EPB41L4A: variants seen among roughly 807,000 people sequenced by gnomAD.
EPB41L4A encodes erythrocyte membrane protein band 4.1 like 4A.
Under a neutral mutation model 108.6 loss-of-function variants are expected in EPB41L4A, and 100 were observed. That is an observed-to-expected ratio of 0.92 (90% CI 0.78 to 1.09). The LOEUF is 1.09. EPB41L4A is among the 50% of genes least tolerant of loss of function. The pLI is 0.00. For missense variants in EPB41L4A, 1,030 were observed against 842.7 expected (o/e 1.22, Z -2.75); for synonymous variants, 319 against 289.0 (o/e 1.10, Z -1.05).
At chr5:112,268,147 T>C (rs1375527974) in intron 4 of EPB41L4A, among the ~76,000 whole-genome samples, 2 of 152,198 alleles carry the variant, frequency 1.3e-5, no homozygotes, top group African/African-American at 4.8e-5. Flanking sequence ...TGTGGGAGGC[T>C]GAGGCAGGTG....
At chr5:112,266,089 A>G (rs1751832377) in intron 5 of EPB41L4A, 144 bp downstream of exon 5, 2 of 657,700 alleles carry the variant, frequency 3.0e-6, no homozygotes, top group Non-Finnish European at 5.2e-6. Context: ...AACACTGAAC[A>G]AAACTTGAAT....
intron 12 of EPB41L4A, among the ~76,000 whole-genome samples, chr5:112,231,768 G>T (rs1179706837): frequency 7.6e-6 from 1 of 132,296 alleles, no homozygotes; most frequent in Non-Finnish European, 1.6e-5. Flanking sequence ...GTCCGGCCTG[G>T]GCGACAGAGC....
intron 1 of EPB41L4A, among the ~76,000 whole-genome samples, chr5:112,350,311 TTTAA>T (rs1269879366): frequency 6.6e-5 from 10 of 152,208 alleles, no homozygotes; most frequent in African/African-American, 2.2e-4. Flanking sequence ...AAATCCTGAC[TTTAA>T]TTAGTTGGGC....
intron 22 of EPB41L4A, among the ~76,000 whole-genome samples, chr5:112,168,530 T>A (rs372183607): frequency 6.6e-6 from 1 of 152,220 alleles, no homozygotes; most frequent in African/African-American, 2.4e-5. Context: ...CTACCTGTTA[T>A]TCCTAACTCT....
At chr5:112,221,604 C>T (rs969303987) in intron 12 of EPB41L4A, among the ~76,000 whole-genome samples, 5 of 152,146 alleles carry the variant, frequency 3.3e-5, no homozygotes, top group African/African-American at 7.2e-5. Flanking sequence ...AAATAACTGA[C>T]GGCTGTGTTA....
chr5:112,351,613 A>G (rs1182096671), intron 1 of EPB41L4A, among the ~76,000 whole-genome samples: 2 of 152,222 alleles, frequency 1.3e-5, no homozygotes. Flanking sequence ...AACTCAGTCT[A>G]TGAAGCCAGC....
intron 12 of EPB41L4A, among the ~76,000 whole-genome samples, chr5:112,152,552 C>T (rs987580803): frequency 6.6e-6 from 1 of 152,082 alleles, no homozygotes; most frequent in Non-Finnish European, 1.5e-5. Flanking sequence ...CAAGAAGGTG[C>T]CATCTGTGAG....
chr5:112,264,825 ACTTTT>A, intron 6 of EPB41L4A, 66 bp downstream of exon 6: 1 of 1,470,058 alleles, frequency 6.8e-7, no homozygotes, highest in East Asian at 2.4e-5. Flanking sequence ...CATTCTAGAA[ACTTTT>A]CTTGTGAATA....
chr5:112,178,614 A>T (rs1266692580), intron 18 of EPB41L4A, among the ~76,000 whole-genome samples: 3 of 152,016 alleles, frequency 2.0e-5, no homozygotes, highest in African/African-American at 7.2e-5. Context: ...TTAAATTAGA[A>T]TAATAATAAT....
rs1319268052 is a variant in EPB41L4A at position 112,234,674 on chromosome 5, G to GCTTCGA, written c.1041_1046dup (p.Arg348_Ser349dup). ...GTGCTATTCGCTTAGGGTAAGTCTT[G>GCTTCGA]CTTCGACTTCTTGTCACATTCTGAT... On this transcript the variant is annotated inframe_insertion, in exon 12 of 23. Transcript: ENST00000261486. 1 of 1,613,686 alleles carries GCTTCGA rather than the reference G, an allele frequency of 6.2e-7. No homozygotes were observed. Among genetic ancestry groups the GCTTCGA allele is most frequent in the South Asian group, 1.1e-5 (1 of 91,062 alleles).
At position 112,162,926 on chromosome 5, in the gene EPB41L4A, T is replaced by C. The variant is rs1484647001; in HGVS notation, c.*2064A>G. 10 of 152,246 alleles carry C rather than the reference T, an allele frequency of 6.6e-5. No homozygotes were observed. The highest frequency in any genetic ancestry group is 1.9e-4 in the African/African-American group (8 of 41,460). The allele number at this position is 152,246 out of a possible 1,614,324, so 9.4% of individuals were successfully genotyped here. Reference sequence around the variant, plus strand: ...ACTTTTGAGACAGTTTTGGCTGCTTTCCCTCTTCAGTGCCCTGTTTTAGAA... The same window carrying C: ...ACTTTTGAGACAGTTTTGGCTGCTTCCCCTCTTCAGTGCCCTGTTTTAGAA... On this transcript the variant is annotated 3_prime_UTR_variant, in exon 23 of 23. Coordinates refer to ENST00000261486, the MANE Select transcript of EPB41L4A (RefSeq NM_022140.5).
At chr5:112,372,931 G>A (rs921694390) in intron 1 of EPB41L4A, among the ~76,000 whole-genome samples, 4 of 152,160 alleles carry the variant, frequency 2.6e-5, no homozygotes, top group African/African-American at 9.7e-5. Flanking sequence ...AAAAGTGACA[G>A]GGTTCAGCAG....
intron 6 of EPB41L4A, chr5:112,263,666 G>C (rs1751645166): frequency 6.6e-6 from 1 of 152,172 alleles, no homozygotes; most frequent in African/African-American, 2.4e-5. Context: ...TCTACAATCA[G>C]GTTGGAGAGC....
rs200794899 is a variant in EPB41L4A at position 112,170,983 on chromosome 5, G to A, written c.1632C>T (p.Pro544=). The stretch of plus-strand genomic sequence containing the variant: ...ATAACTCTTCTTTTGCTTGGATATC[G>A]GGGCTTCTCCTATAAATAGAGAAAA... The part of the protein sequence containing the change: ...RSRHRSRSRS[P]DIQAKEELWK... Residue 544 remains proline, a synonymous_variant, in exon 19 of 23, where the codon CCC becomes CCT. Coordinates refer to ENST00000261486, the MANE Select transcript of EPB41L4A (RefSeq NM_022140.5). 169 of 1,613,338 alleles carry A rather than the reference G, an allele frequency of 1.0e-4. 1 individual carries two copies. Among genetic ancestry groups the A allele is most frequent in the Admixed American group, 3.0e-4 (18 of 59,996 alleles).
intron 1 of EPB41L4A, among the ~76,000 whole-genome samples, chr5:112,348,725 A>T (rs1419900092): frequency 6.6e-6 from 1 of 152,202 alleles, no homozygotes; most frequent in Non-Finnish European, 1.5e-5. Context: ...TCTGTTAGGG[A>T]TTCCATATGT....
chr5:112,260,268 C>A (rs1002442361), intron 7 of EPB41L4A, among the ~76,000 whole-genome samples: 7 of 152,212 alleles, frequency 4.6e-5, no homozygotes, highest in Non-Finnish European at 1.0e-4. Flanking sequence ...TTTCCTTACA[C>A]AGTGGTGTTC....
intron 12 of EPB41L4A, among the ~76,000 whole-genome samples, chr5:112,217,733 CA>C (rs1747754785): frequency 6.6e-6 from 1 of 151,980 alleles, no homozygotes; most frequent in South Asian, 2.1e-4. Flanking sequence ...TCTAAAGTTC[CA>C]AGAGTGATAT....
At chr5:112,419,821 C>G (rs904207029), upstream of EPB41L4A, 2 of 456,682 alleles carry the variant, frequency 4.4e-6, no homozygotes, top group African/African-American at 4.0e-5. Flanking sequence ...GACTCCCGAG[C>G]TCATTACGGG....
intron 1 of EPB41L4A, chr5:112,363,450 G>A (rs1018917547): frequency 7.2e-5 from 11 of 151,876 alleles, no homozygotes; most frequent in African/African-American, 2.4e-4. Context: ...AGCCAGGCAG[G>A]ATAGGTATCT....
Sources: gnomAD v4.1 joint callset for allele counts (sites outside exome capture counted in the v4.1 genomes callset) on GRCh38, gnomAD v4.1.1 for gene constraint, MANE v1.5 for transcripts, NCBI Gene and HGNC (gene_info 2026-07-23, HGNC 2026-07-21) for gene names.